Variants in UBE2E1 observed in about 807,000 individuals in gnomAD.
The protein encoded by UBE2E1 is ubiquitin conjugating enzyme E2 E1.
A neutral mutation model predicts 21.4 loss-of-function variants in UBE2E1; 6 were observed. The ratio of observed to expected loss-of-function variants is 0.28; its 90% CI spans 0.15 to 0.55. The LOEUF is 0.55. Ranked by LOEUF, UBE2E1 falls within the 20% of genes least tolerant of loss-of-function variation. The pLI is 0.93. For synonymous variants in UBE2E1, 87 were observed against 82.7 expected, an observed-to-expected ratio of 1.05 and a Z score of -0.28; for missense variants, 142 against 236.5, an observed-to-expected ratio of 0.60 and a Z score of 2.62.
chr3:23,851,808 A>G (rs1700331345), intron 3 of UBE2E1, among the ~76,000 whole-genome samples: 2 of 152,134 alleles, frequency 1.3e-5, no homozygotes, highest in South Asian at 4.1e-4. Context: ...TAAAAAAAAA[A>G]TTAAAATTCA....
At chr3:23,858,218 A>G (rs1413782670) in intron 3 of UBE2E1, among the ~76,000 whole-genome samples, 1 of 152,146 alleles carries the variant, frequency 6.6e-6, no homozygotes, top group Non-Finnish European at 1.5e-5. Flanking sequence ...TAGGGCTACT[A>G]ATTTTATTTT....
chr3:23,848,830 G>A (rs1700264649), intron 3 of UBE2E1, among the ~76,000 whole-genome samples: 2 of 152,156 alleles, frequency 1.3e-5, no homozygotes, highest in Admixed American at 6.5e-5. Flanking sequence ...AAGGGGGAGA[G>A]GTGTTGGTAA....
rs901028856 is a variant in UBE2E1, at chr3:23,887,258, T to G, written c.204-309T>G. ...TTTCGCTTCTAGGTGCTGAGATGTG[T>G]TTCCCATTTTAAGTATTGTTTACAC... On this transcript the variant is annotated intron_variant, in intron 3 of 5. Transcript: ENST00000306627. This position sits in a 1 kb window ranked among gnomAD's most constrained non-coding sequence, Gnocchi z 4.4. Among the ~76,000 whole-genome samples, 1 of 152,208 alleles carries G rather than the reference T, an allele frequency of 6.6e-6. No homozygotes were observed. The highest frequency in any genetic ancestry group is 2.4e-5 in the African/African-American group (1 of 41,442).
chr3:23,883,721 G>C (rs1180088762), intron 3 of UBE2E1, among the ~76,000 whole-genome samples: 2 of 151,928 alleles, frequency 1.3e-5, no homozygotes, highest in African/African-American at 2.4e-5. Context: ...TTTGAGACCG[G>C]TCTAGCCAAT....
At chr3:23,889,611 C>A (rs1275957951) in intron 5 of UBE2E1, 1 of 985,342 alleles carries the variant, frequency 1.0e-6, no homozygotes, top group Non-Finnish European at 1.2e-6. Context: ...ATCTGCCTGG[C>A]AAGCCTCACC....
chr3:23,864,643 A>G (rs1700616682), intron 3 of UBE2E1, among the ~76,000 whole-genome samples: 1 of 151,904 alleles, frequency 6.6e-6, no homozygotes, highest in South Asian at 2.1e-4. Flanking sequence ...GTCTCTCTGG[A>G]TATTAATAAG....
chr3:23,822,231 T>A (rs1699659756), intron 3 of UBE2E1, among the ~76,000 whole-genome samples: 1 of 152,198 alleles, frequency 6.6e-6, no homozygotes, highest in East Asian at 1.9e-4. Context: ...GACCTTCACG[T>A]GTCAAACCTG....
At chr3:23,850,513 T>TTC (rs386396149) in intron 3 of UBE2E1, among the ~76,000 whole-genome samples, 1 of 143,624 alleles carries the variant, frequency 7.0e-6, no homozygotes, top group Non-Finnish European at 1.5e-5. Flanking sequence ...CTACTCCTCT[T>TTC]TATTATTATT....
chr3:23,879,697 A>G lies in UBE2E1; in HGVS notation c.204-7870A>G, dbSNP rs11923991. On this transcript the variant is annotated intron_variant, in intron 3 of 5. Coordinates refer to ENST00000306627, the MANE Select transcript of UBE2E1 (RefSeq NM_003341.5). ...GGGCCGCGGCGGAGGACAGGGCACC[A>G]GGTGGGTGCTGTGTGCCTGGCTGCT... 7.7e-3 allele frequency among the ~76,000 whole-genome samples: 1,178 copies of G among 152,308 alleles called. 17 individuals carry two copies. The highest frequency in any genetic ancestry group is 0.027 in the African/African-American group (1,118 of 41,582).
intron 3 of UBE2E1, among the ~76,000 whole-genome samples, chr3:23,831,438 A>AT (rs1408343315): frequency 6.6e-6 from 1 of 151,800 alleles, no homozygotes; most frequent in Non-Finnish European, 1.5e-5. Context: ...TCAGTCAGCT[A>AT]TTTTGGTAAT....
intron 3 of UBE2E1, among the ~76,000 whole-genome samples, chr3:23,875,720 C>A (rs370323200): frequency 3.3e-5 from 5 of 152,266 alleles, no homozygotes; most frequent in Admixed American, 6.5e-5. Flanking sequence ...AGATATATCC[C>A]CTATTTAGCC....
At chr3:23,882,398 A>G (rs1199995444) in intron 3 of UBE2E1, among the ~76,000 whole-genome samples, 1 of 152,226 alleles carries the variant, frequency 6.6e-6, no homozygotes, top group East Asian at 1.9e-4. Context: ...TGATTGGTAC[A>G]TTTACAATCC....
intron 3 of UBE2E1, among the ~76,000 whole-genome samples, chr3:23,869,724 CAAAAAAAAAAAAAAA>C (rs5847258): frequency 2.6e-5 from 2 of 76,874 alleles, no homozygotes; most frequent in Admixed American, 1.4e-4. Flanking sequence ...GACCCTGTGT[CAAAAAAAAAAAAAAA>C]AAAAAAAAAA....
intron 3 of UBE2E1, among the ~76,000 whole-genome samples, chr3:23,864,040 G>C (rs1700605292): frequency 6.6e-6 from 1 of 152,116 alleles, no homozygotes; most frequent in Non-Finnish European, 1.5e-5. Context: ...ACATCCCTCA[G>C]TAACTTCCTG....
chr3:23,858,580 A>G (rs1217363423), intron 3 of UBE2E1, among the ~76,000 whole-genome samples: 3 of 152,198 alleles, frequency 2.0e-5, no homozygotes, highest in Non-Finnish European at 4.4e-5. Context: ...TTGGCCTCCC[A>G]AAGTGCTAGG....
chr3:23,891,494 G>A lies in UBE2E1; in HGVS notation c.*888G>A, dbSNP rs886549146. Among the ~76,000 whole-genome samples, 2 of 152,144 alleles carry A rather than the reference G, an allele frequency of 1.3e-5. No individual in the cohort carries two copies. Among genetic ancestry groups the A allele is most frequent in the Non-Finnish European group, 2.9e-5 (2 of 68,026 alleles). The stretch of plus-strand genomic sequence containing the variant: ...GCTGTAGATGAGGTATCCTAGAAAA[G>A]GTTAAATAATCTACCCCATTTAGGC... On this transcript the variant is annotated 3_prime_UTR_variant, in exon 6 of 6. Coordinates refer to ENST00000306627, the MANE Select transcript of UBE2E1 (RefSeq NM_003341.5).
chr3:23,850,523 T>A (rs1700298328), intron 3 of UBE2E1, among the ~76,000 whole-genome samples: 1 of 143,938 alleles, frequency 6.9e-6, no homozygotes, highest in African/African-American at 2.5e-5. Context: ...TTATTATTAT[T>A]ATTATTTTTT....
At chr3:23,884,687 G>T (rs1701136960) in intron 3 of UBE2E1, among the ~76,000 whole-genome samples, 1 of 152,042 alleles carries the variant, frequency 6.6e-6, no homozygotes, top group African/African-American at 2.4e-5. Flanking sequence ...TTTTTTTCTA[G>T]GTTGGTTTCT....
intron 3 of UBE2E1, among the ~76,000 whole-genome samples, chr3:23,834,938 T>A (rs1482072280): frequency 1.3e-5 from 2 of 152,220 alleles, no homozygotes. Context: ...CTTGTGGTAT[T>A]CCCTGTAATG....
Sources: allele counts gnomAD v4.1 joint callset (sites outside exome capture counted in the v4.1 genomes callset), GRCh38; gene constraint gnomAD v4.1.1; non-coding constraint Gnocchi (gnomAD v3.1); transcripts MANE v1.5; gene names NCBI Gene and HGNC (gene_info 2026-07-23, HGNC 2026-07-21).